The following SLC35F1 variants were observed in gnomAD, a reference collection of about 807,000 sequenced individuals.
SLC35F1 encodes solute carrier family 35 member F1.
In SLC35F1, 14 loss-of-function variants were observed where a neutral mutation model predicts 48.7. That is an observed-to-expected ratio of 0.29 (90% CI 0.19 to 0.45). The LOEUF (loss-of-function observed/expected upper bound fraction) is 0.45, where lower values mean the gene tolerates loss of function less well. Ranked by LOEUF, SLC35F1 falls within the 20% of genes least tolerant of loss-of-function variation. The pLI is 1.00. For synonymous variants in SLC35F1, 190 were observed against 202.2 expected (o/e 0.94, Z 0.51); for missense variants, 404 against 500.0 (o/e 0.81, Z 1.83).
At chr6:118,097,726 C>T (rs1773196939) in intron 1 of SLC35F1, among the ~76,000 whole-genome samples, 1 of 152,212 alleles carries the variant, frequency 6.6e-6, no homozygotes, top group South Asian at 2.1e-4. Context: ...GATAATGCCA[C>T]AGTGGTCATT....
chr6:118,127,377 G>T (rs2114414128), intron 1 of SLC35F1, among the ~76,000 whole-genome samples: 1 of 152,044 alleles, frequency 6.6e-6, no homozygotes, highest in East Asian at 1.9e-4. Context: ...GCTGGATTCG[G>T]TTTGCCAGTA....
At chr6:118,297,663 A>C (rs991698335) in intron 7 of SLC35F1, among the ~76,000 whole-genome samples, 1 of 107,014 alleles carries the variant, frequency 9.3e-6, no homozygotes, top group Non-Finnish European at 1.9e-5. Context: ...AATATATATA[A>C]TATTATATAA....
At chr6:118,281,934 TAGTG>T (rs1215362127) in intron 6 of SLC35F1, among the ~76,000 whole-genome samples, 1 of 152,178 alleles carries the variant, frequency 6.6e-6, no homozygotes, top group African/African-American at 2.4e-5. Context: ...ACATGACACA[TAGTG>T]AGTGCTCAAT....
At chr6:117,977,568 T>G (rs1776721922) in intron 1 of SLC35F1, among the ~76,000 whole-genome samples, 1 of 152,102 alleles carries the variant, frequency 6.6e-6, no homozygotes, top group African/African-American at 2.4e-5. Flanking sequence ...ATAAATTATC[T>G]TCTCATGACT....
At chr6:117,987,767 A>T (rs879272697) in intron 1 of SLC35F1, among the ~76,000 whole-genome samples, 5 of 152,182 alleles carry the variant, frequency 3.3e-5, no homozygotes, top group Non-Finnish European at 7.3e-5. Flanking sequence ...CCTCTCCCAG[A>T]TGTATAAAGA....
intron 6 of SLC35F1, among the ~76,000 whole-genome samples, chr6:118,283,571 C>A (rs1776010870): frequency 6.6e-6 from 1 of 152,124 alleles, no homozygotes; most frequent in African/African-American, 2.4e-5. Context: ...ATCAGTGACA[C>A]CTTCAAAAAA....
intron 1 of SLC35F1, among the ~76,000 whole-genome samples, chr6:118,046,051 CT>C (rs1772295329): frequency 6.6e-6 from 1 of 152,178 alleles, no homozygotes. Context: ...CAGCCAAATA[CT>C]TAATGCGCAA....
chr6:118,119,503 C>CCG (rs1491187027), intron 1 of SLC35F1, among the ~76,000 whole-genome samples: 2 of 56,944 alleles, frequency 3.5e-5, no homozygotes, highest in Non-Finnish European at 6.0e-5. Flanking sequence ...CGCCCCCCCT[C>CCG]CACCCCGCTT....
intron 1 of SLC35F1, among the ~76,000 whole-genome samples, chr6:117,966,175 C>G (rs574094244): frequency 6.7e-6 from 1 of 148,840 alleles, no homozygotes; most frequent in Non-Finnish European, 1.5e-5. Flanking sequence ...CAGCGGTACC[C>G]TGCTGGGGTC....
intron 1 of SLC35F1, among the ~76,000 whole-genome samples, chr6:118,044,884 C>T (rs1166984515): frequency 6.6e-6 from 1 of 152,032 alleles, no homozygotes; most frequent in Non-Finnish European, 1.5e-5. Context: ...CTATGAGATG[C>T]AATCCTTCTA....
chr6:117,967,940 G>C (rs1017159604), intron 1 of SLC35F1, among the ~76,000 whole-genome samples: 1 of 152,162 alleles, frequency 6.6e-6, no homozygotes, highest in African/African-American at 2.4e-5. Context: ...ATATATGTGA[G>C]CTTAATGCAG....
At chr6:118,074,950 CA>C (rs1772795965) in intron 1 of SLC35F1, among the ~76,000 whole-genome samples, 4 of 152,200 alleles carry the variant, frequency 2.6e-5, no homozygotes, top group African/African-American at 9.6e-5. Context: ...AGTCGAGACA[CA>C]TAGATTTAAA....
chr6:118,015,072 C>T (rs1777301925), intron 1 of SLC35F1, among the ~76,000 whole-genome samples: 1 of 152,144 alleles, frequency 6.6e-6, no homozygotes, highest in Admixed American at 6.5e-5. Context: ...TAAGGGGAAA[C>T]CCCTTTTGCT....
intron 2 of SLC35F1, among the ~76,000 whole-genome samples, chr6:118,205,550 T>C (rs1774924584): frequency 6.6e-6 from 1 of 152,212 alleles, no homozygotes; most frequent in African/African-American, 2.4e-5. Context: ...TGCGCATTGC[T>C]GGTGGAAATG....
At chr6:118,260,212 G>T (rs1312681378) in intron 3 of SLC35F1, among the ~76,000 whole-genome samples, 1 of 152,096 alleles carries the variant, frequency 6.6e-6, no homozygotes, top group East Asian at 1.9e-4. Flanking sequence ...TTTGCCAGGA[G>T]CTGTGAGGAG....
At chr6:118,003,299 A>G (rs1375453804) in intron 1 of SLC35F1, among the ~76,000 whole-genome samples, 1 of 152,234 alleles carries the variant, frequency 6.6e-6, no homozygotes, top group Non-Finnish European at 1.5e-5. Flanking sequence ...AGCAAATCCA[A>G]AATAATGAAA....
chr6:118,310,878 GTACAT>G (rs765554031), intron 7 of SLC35F1, among the ~76,000 whole-genome samples: 8 of 152,188 alleles, frequency 5.3e-5, no homozygotes, highest in South Asian at 4.1e-4. Context: ...CCTTTAAGCA[GTACAT>G]TACAATAGCG....
intron 1 of SLC35F1, among the ~76,000 whole-genome samples, chr6:118,009,949 A>G (rs796462229): frequency 2.0e-5 from 3 of 152,286 alleles, no homozygotes; most frequent in African/African-American, 7.2e-5. Flanking sequence ...GGAAATTTGC[A>G]TGCCAGGGAA....
At position 118,154,532 on chromosome 6, in the gene SLC35F1, T is replaced by C. The variant is rs1774110800; in HGVS notation, c.261T>C (p.Asp87=). 1 of 1,614,078 alleles carries C rather than the reference T, an allele frequency of 6.2e-7. No individual in the cohort carries two copies. The highest frequency in any genetic ancestry group is 8.5e-7 in the Non-Finnish European group (1 of 1,179,964). The change falls in exon 2 of 8, where the codon GAT becomes GAC. Residue 87 remains aspartate (D), a synonymous_variant. Coordinates refer to ENST00000360388, the MANE Select transcript of SLC35F1 (RefSeq NM_001029858.4). ...TGACTAGCAAGTATCTGTCAGAAGA[T>C]TTCCACGCCAACACACCAGTCTTCC... is the stretch of plus-strand genomic sequence containing the variant. ...IGLTSKYLSE[D]FHANTPVFQS...
Sources: gnomAD v4.1 joint callset for allele counts (sites outside exome capture counted in the v4.1 genomes callset) on GRCh38, gnomAD v4.1.1 for gene constraint, MANE v1.5 for transcripts, NCBI Gene and HGNC (gene_info 2026-07-23, HGNC 2026-07-21) for gene names.